NFIB: variants seen among roughly 807,000 people sequenced by gnomAD.
The protein encoded by NFIB is nuclear factor 1 B-type.
Under a neutral mutation model 61.5 loss-of-function variants are expected in NFIB, and 11 were observed. That is an observed-to-expected ratio of 0.18 (90% CI 0.11 to 0.30). The LOEUF is 0.30. Among genes scored for constraint, NFIB ranks in the 10% least tolerant of loss-of-function variants. The pLI, the probability that NFIB is intolerant of heterozygous loss-of-function variation, is 1.00. For synonymous variants in NFIB, 260 were observed against 216.5 expected (o/e 1.20, Z -1.76); for missense variants, 471 against 608.9 (o/e 0.77, Z 2.38).
chr9:14,279,377 C>T (rs1157905096), intron 2 of NFIB, among the ~76,000 whole-genome samples: 1 of 152,062 alleles, frequency 6.6e-6, no homozygotes, highest in Non-Finnish European at 1.5e-5. Context: ...AGTTGTATCC[C>T]CTTCCCACTA....
chr9:14,215,558 C>G (rs1195980813), intron 2 of NFIB, among the ~76,000 whole-genome samples: 1 of 152,086 alleles, frequency 6.6e-6, no homozygotes, highest in Non-Finnish European at 1.5e-5. Flanking sequence ...GAAAGTATGT[C>G]ATCAAAAAGT....
At chr9:14,498,333 T>G in the NFIB span, among the ~76,000 whole-genome samples, 1 of 152,206 alleles carries the variant, frequency 6.6e-6, no homozygotes, top group African/African-American at 2.4e-5. Flanking sequence ...AATCTCACAT[T>G]TGGTCTGAGC....
At chr9:14,504,987 T>G in the NFIB span, among the ~76,000 whole-genome samples, 2 of 152,238 alleles carry the variant, frequency 1.3e-5, no homozygotes, top group Admixed American at 6.5e-5. Flanking sequence ...ATGACTTTTA[T>G]TACCTTAAGG....
At chr9:14,161,833 T>C (rs914747658) in intron 3 of NFIB, among the ~76,000 whole-genome samples, 2 of 152,186 alleles carry the variant, frequency 1.3e-5, no homozygotes, top group Non-Finnish European at 2.9e-5. Flanking sequence ...TAAACTCTTT[T>C]AAAACTCTTG....
At chr9:14,427,934 GTTGTT>G in the NFIB span, among the ~76,000 whole-genome samples, 1 of 25,946 alleles carries the variant, frequency 3.9e-5, no homozygotes, top group Non-Finnish European at 8.3e-5. Context: ...CTTTAATTCA[GTTGTT>G]TTTTTTTTTT....
intron 2 of NFIB, among the ~76,000 whole-genome samples, chr9:14,251,159 C>T (rs750196643): frequency 3.3e-5 from 5 of 152,180 alleles, no homozygotes; most frequent in East Asian, 3.8e-4. Context: ...AAGAACTTTA[C>T]GGTGTTTTTC....
At chr9:14,314,147 G>A, upstream of NFIB, 1 of 1,021,876 alleles carries the variant, frequency 9.8e-7, no homozygotes, top group Non-Finnish European at 1.2e-6. Context: ...AGTGCGCGCG[G>A]GTGGCGGGGC....
the NFIB span, among the ~76,000 whole-genome samples, chr9:14,447,332 A>G: frequency 1.1e-4 from 16 of 152,288 alleles, no homozygotes; most frequent in African/African-American, 3.6e-4. Context: ...GTTTTATTGC[A>G]GTATGCTCCG....
At chr9:14,427,210 C>A in the NFIB span, among the ~76,000 whole-genome samples, 2 of 152,110 alleles carry the variant, frequency 1.3e-5, no homozygotes, top group African/African-American at 4.8e-5. Flanking sequence ...AAAGATAATA[C>A]ATTGTTCATT....
chr9:14,091,025 A>G (rs2033816392), intron 10 of NFIB, among the ~76,000 whole-genome samples: 1 of 152,082 alleles, frequency 6.6e-6, no homozygotes, highest in African/African-American at 2.4e-5. Flanking sequence ...AATTTAATTT[A>G]AATGTTTATT....
the NFIB span, among the ~76,000 whole-genome samples, chr9:14,462,193 C>A: frequency 6.6e-6 from 1 of 152,194 alleles, no homozygotes; most frequent in Admixed American, 6.5e-5. Flanking sequence ...CAGTCTGATG[C>A]ATAAAATATA....
chr9:14,092,058 G>A (rs2034008678), intron 10 of NFIB, among the ~76,000 whole-genome samples: 1 of 152,096 alleles, frequency 6.6e-6, no homozygotes, highest in Admixed American at 6.6e-5. Context: ...ATGCATTACT[G>A]GTGATGGTCC....
At chr9:14,252,951 GAGGGAGGAAGGAAGGA>G (rs1486323485) in intron 2 of NFIB, among the ~76,000 whole-genome samples, 1 of 146,626 alleles carries the variant, frequency 6.8e-6, no homozygotes, top group Non-Finnish European at 1.5e-5. Context: ...GGAAGGAAAG[GAGGGAGGAAGGAAGGA>G]AGGGAGGGAG....
At chr9:14,437,288 T>C in the NFIB span, among the ~76,000 whole-genome samples, 1 of 152,262 alleles carries the variant, frequency 6.6e-6, no homozygotes, top group Admixed American at 6.5e-5. Flanking sequence ...ATAGCTATTA[T>C]AGTTATCTTT....
At chr9:14,456,951 C>T in the NFIB span, among the ~76,000 whole-genome samples, 5 of 152,214 alleles carry the variant, frequency 3.3e-5, no homozygotes, top group Admixed American at 1.3e-4. Flanking sequence ...CAGTTTTGGA[C>T]GATGGCTAAA....
At chr9:14,463,700 A>G in the NFIB span, among the ~76,000 whole-genome samples, 360 of 104,004 alleles carry the variant, frequency 3.5e-3, 5 homozygotes, top group Admixed American at 0.012. Context: ...AGTCTCTGTC[A>G]CCCAGGCTGG....
chr9:14,093,796 A>G (rs1033416526), intron 10 of NFIB, among the ~76,000 whole-genome samples: 1 of 152,112 alleles, frequency 6.6e-6, no homozygotes, highest in African/African-American at 2.4e-5. Flanking sequence ...GCTTACTTCA[A>G]TATAACACAA....
At chr9:14,496,159 C>T in the NFIB span, among the ~76,000 whole-genome samples, 7 of 152,146 alleles carry the variant, frequency 4.6e-5, no homozygotes, top group African/African-American at 1.7e-4. Context: ...ATGTTTAAAA[C>T]CAGAAGTGCT....
chr9:14,484,980 CTG>C, the NFIB span, among the ~76,000 whole-genome samples: 2 of 152,158 alleles, frequency 1.3e-5, no homozygotes, highest in Non-Finnish European at 2.9e-5. Flanking sequence ...CACCTTCTTG[CTG>C]TGTTGTCACA....
Sources: allele counts gnomAD v4.1 joint callset (sites outside exome capture counted in the v4.1 genomes callset), GRCh38; gene constraint gnomAD v4.1.1; transcripts MANE v1.5; gene names NCBI Gene and HGNC (gene_info 2026-07-23, HGNC 2026-07-21).